The following BACH2 variants were observed in gnomAD, a reference collection of about 807,000 sequenced individuals.
BACH2 encodes the protein BACH transcriptional regulator 2, also known as transcription regulator protein BACH2.
In BACH2, 5 loss-of-function variants were observed where a neutral mutation model predicts 61.8. That is an observed-to-expected ratio of 0.08 (90% confidence interval 0.04 to 0.17). The LOEUF is 0.17. BACH2 is among the 10% of genes least tolerant of loss of function. The pLI, the probability that BACH2 is intolerant of heterozygous loss-of-function variation, is 1.00. For missense variants in BACH2, 824 were observed against 1,091.1 expected, an observed-to-expected ratio of 0.76 and a Z score of 3.45; for synonymous variants, 446 against 440.1, an observed-to-expected ratio of 1.01 and a Z score of -0.17.
chr6:89,997,996 T>C (rs1178495372), intron 6 of BACH2, among the ~76,000 whole-genome samples: 2 of 152,208 alleles, frequency 1.3e-5, no homozygotes, highest in Non-Finnish European at 2.9e-5. Flanking sequence ...GGCTTAAAAA[T>C]AATCAGGAAA....
intron 5 of BACH2, 148 bp from the exon 6 acceptor site, chr6:90,009,004 G>T: frequency 3.1e-6 from 3 of 958,178 alleles, no homozygotes; most frequent in Non-Finnish European, 4.5e-6. Context: ...TTACCAATCA[G>T]CATATTTGTG....
intron 6 of BACH2, chr6:90,001,218 C>T (rs937270740): frequency 5.3e-5 from 8 of 152,248 alleles, no homozygotes; most frequent in Admixed American, 3.9e-4. Flanking sequence ...CCCTTCAGCC[C>T]AGGTATTAGG....
At chr6:90,119,099 G>A (rs1783520232) in intron 4 of BACH2, among the ~76,000 whole-genome samples, 1 of 152,172 alleles carries the variant, frequency 6.6e-6, no homozygotes, top group African/African-American at 2.4e-5. Context: ...CATGTGACAT[G>A]ATATCATATA....
intron 4 of BACH2, among the ~76,000 whole-genome samples, chr6:90,192,867 A>G (rs528873449): frequency 6.6e-6 from 1 of 152,376 alleles, no homozygotes; most frequent in African/African-American, 2.4e-5. Context: ...TAGCCATGCT[A>G]GAATAGGATT....
chr6:89,932,870 C>G lies in BACH2; in HGVS notation c.2064G>C (p.Leu688=). 1 of 1,596,808 alleles carries G rather than the reference C, an allele frequency of 6.3e-7. No individual in the cohort carries two copies. Among genetic ancestry groups the G allele is most frequent in the Non-Finnish European group, 8.6e-7 (1 of 1,167,262 alleles). The part of the protein sequence containing the change: ...IRKLVCEKEK[L]LSERNQLKAC... Reference sequence around the variant, plus strand: ...CTTTCAGTTGATTCCTCTCTGACAACAGTTTCTCTTTCTCACACACCTGGA... The same window carrying G: ...CTTTCAGTTGATTCCTCTCTGACAAGAGTTTCTCTTTCTCACACACCTGGA... The change falls in exon 9 of 9, where the codon CTG becomes CTC. Residue 688 remains leucine (L), a synonymous_variant. Transcript: ENST00000257749.
At chr6:90,112,844 G>A (rs1317074572) in intron 4 of BACH2, among the ~76,000 whole-genome samples, 1 of 152,100 alleles carries the variant, frequency 6.6e-6, no homozygotes, top group African/African-American at 2.4e-5. Context: ...ATGGTATGTG[G>A]TCTTCAAGAG....
Position 90,022,288 on chromosome 6 carries a change from A to G in BACH2, c.-12-13432T>C, listed in dbSNP as rs534163906. ...CTACTAGCACTTTTCCTATATTTAA[A>G]TGTAATCGACATCGGTCAGGCGCGG... On this transcript the variant is annotated intron_variant, in intron 5 of 8. Coordinates refer to ENST00000257749, the MANE Select transcript of BACH2 (RefSeq NM_021813.4). 5.9e-5 allele frequency among the ~76,000 whole-genome samples: 9 copies of G among 152,348 alleles called. No homozygotes were observed. In the South Asian group the frequency reaches 1.9e-3, roughly 32 times the overall value.
At chr6:90,095,228 G>GTT (rs35734303) in intron 4 of BACH2, among the ~76,000 whole-genome samples, 5 of 147,788 alleles carry the variant, frequency 3.4e-5, no homozygotes, top group African/African-American at 7.4e-5. Flanking sequence ...CAGAGATGAA[G>GTT]TTTTTTTTTT....
rs562244028 is a variant in BACH2 at position 90,275,549 on chromosome 6, T to A, written c.-445-3608A>T. On this transcript the variant is annotated intron_variant, in intron 1 of 8. Coordinates refer to ENST00000257749, the MANE Select transcript of BACH2 (RefSeq NM_021813.4). ...GGGTTACATGTGCAGATTTGTGATA[T>A]GGGTAACTTGCGTCATGGGGGTTTG... is the stretch of plus-strand genomic sequence containing the variant. Among the ~76,000 whole-genome samples the A allele has an allele frequency of 5.3e-5, 8 of 152,312 alleles. 1 individual carries two copies. Among genetic ancestry groups the A allele is most frequent in the African/African-American group, 1.9e-4 (8 of 41,560 alleles).
intron 5 of BACH2, among the ~76,000 whole-genome samples, chr6:90,061,265 C>G (rs1054825448): frequency 1.3e-5 from 2 of 151,994 alleles, no homozygotes; most frequent in Non-Finnish European, 2.9e-5. Context: ...TGAAATGACT[C>G]GATATCTGAT....
Position 89,951,839 on chromosome 6 carries a change from C to A in BACH2, c.267G>T (p.Pro89=). 1 of 1,612,586 alleles carries A rather than the reference C, an allele frequency of 6.2e-7. No homozygotes were observed. The highest frequency in any genetic ancestry group is 2.2e-5 in the East Asian group (1 of 44,838). The part of the protein sequence containing the change: ...PEEVTARGFG[P]LLQFAYTAKL... ...TGGCAGTGTAGGCAAACTGTAACAG[C>A]GGCCCAAAGCCCCTGGCTGTGACCT... Residue 89 remains proline (P), a synonymous_variant, in exon 7 of 9, where the codon CCG becomes CCT. Transcript: ENST00000257749. This position sits in a 1 kb window ranked among gnomAD's most constrained non-coding sequence, Gnocchi z 6.4.
Position 89,950,944 on chromosome 6 carries a change from A to G in BACH2, c.1162T>C (p.Phe388Leu), listed in dbSNP as rs1288551445. Residue 388 changes from phenylalanine to leucine, a missense_variant, in exon 7 of 9, where the codon TTC becomes CTC. Coordinates refer to ENST00000257749, the MANE Select transcript of BACH2 (RefSeq NM_021813.4). The surrounding 1 kb of genome is among the most constrained non-coding windows in gnomAD (Gnocchi z 5.3). ...TGGGGCTGTCCATAATTCCCTGTGA[A>G]AGGGGTGTAGTCAGTTTTAAGGTCA... is the stretch of plus-strand genomic sequence containing the variant. ...QGDLKTDYTP[F>L]TGNYGQPHVG... 1 of 1,573,606 alleles carries G rather than the reference A, an allele frequency of 6.4e-7. No individual in the cohort carries two copies. The highest frequency in any genetic ancestry group is 8.6e-7 in the Non-Finnish European group (1 of 1,159,844).
chr6:90,240,105 C>T (rs1023747915), intron 3 of BACH2, among the ~76,000 whole-genome samples: 2 of 152,038 alleles, frequency 1.3e-5, no homozygotes, highest in Non-Finnish European at 2.9e-5. Flanking sequence ...ATTCATCTTA[C>T]AAGTAACAGG....
intron 2 of BACH2, among the ~76,000 whole-genome samples, chr6:90,267,631 T>C (rs1044661561): frequency 2.6e-5 from 4 of 152,182 alleles, no homozygotes; most frequent in African/African-American, 9.7e-5. Flanking sequence ...TAGAATGCTC[T>C]TGAAGGTATA....
intron 3 of BACH2, among the ~76,000 whole-genome samples, chr6:90,247,417 T>TG: frequency 6.6e-6 from 1 of 151,332 alleles, no homozygotes; most frequent in South Asian, 2.1e-4. Flanking sequence ...TTTTTTGAGA[T>TG]GGGGTCTTGC....
intron 6 of BACH2, among the ~76,000 whole-genome samples, chr6:90,000,446 G>GCAC (rs1226711969): frequency 6.6e-6 from 1 of 152,028 alleles, no homozygotes; most frequent in Non-Finnish European, 1.5e-5. Flanking sequence ...TTGGAAAATT[G>GCAC]CACCACAGCT....
At chr6:90,212,552 G>T (rs930884951) in intron 3 of BACH2, among the ~76,000 whole-genome samples, 3 of 152,146 alleles carry the variant, frequency 2.0e-5, no homozygotes, top group African/African-American at 7.2e-5. Flanking sequence ...TTGCCATTCT[G>T]CTTTGCTCCC....
intron 5 of BACH2, among the ~76,000 whole-genome samples, chr6:90,062,554 G>T (rs1780739318): frequency 6.6e-6 from 1 of 152,160 alleles, no homozygotes; most frequent in Admixed American, 6.6e-5. Context: ...AGCACAAATA[G>T]CAATTTCCTC....
intron 6 of BACH2, among the ~76,000 whole-genome samples, chr6:90,005,008 T>C (rs12661174): frequency 0.098 from 14,916 of 152,166 alleles, 827 homozygotes; most frequent in East Asian, 0.21. Flanking sequence ...AATTCAATTA[T>C]TCCTTGATTT....
Sources: gnomAD v4.1 joint callset for allele counts (sites outside exome capture counted in the v4.1 genomes callset) on GRCh38, gnomAD v4.1.1 for gene constraint, Gnocchi (gnomAD v3.1) non-coding constraint, MANE v1.5 for transcripts, NCBI Gene and HGNC (gene_info 2026-07-23, HGNC 2026-07-21) for gene names.